COL25A1: variants seen among roughly 807,000 people sequenced by gnomAD.
COL25A1 encodes collagen alpha-1(XXV) chain.
COL25A1 carries 103 observed loss-of-function variants against 128.4 expected under a neutral mutation model. That is an observed-to-expected ratio of 0.80 (90% CI 0.68 to 0.94). The LOEUF (loss-of-function observed/expected upper bound fraction) is 0.94. COL25A1 is among the 40% of genes least tolerant of loss of function. The pLI is 0.00. For missense variants in COL25A1, 745 were observed against 840.0 expected (o/e 0.89, Z 1.40); for synonymous variants, 279 against 277.2 (o/e 1.01, Z -0.06).
At chr4:109,288,495 G>T (rs952729474) in intron 3 of COL25A1, among the ~76,000 whole-genome samples, 1 of 151,870 alleles carries the variant, frequency 6.6e-6, no homozygotes, top group East Asian at 1.9e-4. Flanking sequence ...TACTTTTCTG[G>T]TTTTTTTATA....
At chr4:109,297,705 A>G (rs918791593) in intron 3 of COL25A1, among the ~76,000 whole-genome samples, 1 of 151,950 alleles carries the variant, frequency 6.6e-6, no homozygotes, top group African/African-American at 2.4e-5. Context: ...TTTCCCACCT[A>G]TTTCATGTGT....
rs553285276 is a variant in COL25A1 at position 108,942,828 on chromosome 4, C to T, written c.493-1391G>A. Among the ~76,000 whole-genome samples the T allele has an allele frequency of 6.9e-5, 10 of 145,984 alleles. No individual in the cohort carries two copies. In the East Asian group the frequency reaches 2.0e-3, roughly 29 times the overall value. On this transcript the variant is annotated intron_variant, in intron 8 of 37. Transcript: ENST00000399132. ...CGCAGTGCAGTGGTTACAATCTCAG[C>T]TCACTGAAGCCTCTGCCTCCAGGGT...
rs559687153 is a variant in COL25A1, at chr4:108,826,312, C to T, written c.1764+823G>A. Among the ~76,000 whole-genome samples the T allele has an allele frequency of 1.7e-3, 261 of 152,164 alleles. 2 individuals carry two copies. Among genetic ancestry groups the T allele is most frequent in the Middle Eastern group, 3.4e-3 (1 of 294 alleles). ...GAGCACTTTGAGAGGCCGAGAAGGG[C>T]GGATCACTTGAGGTCAGGAGTTTGA... On this transcript the variant is annotated intron_variant, in intron 33 of 37. Coordinates refer to ENST00000399132, the MANE Select transcript of COL25A1 (RefSeq NM_198721.4).
At chr4:108,920,695 T>C in intron 11 of COL25A1, 91 bp from the exon 12 acceptor site, 1 of 869,164 alleles carries the variant, frequency 1.2e-6, no homozygotes, top group Non-Finnish European at 1.7e-6. Flanking sequence ...TAAGATTCTC[T>C]TTGCTGTACT....
At chr4:108,990,912 C>T (rs1025650422) in intron 6 of COL25A1, among the ~76,000 whole-genome samples, 7 of 152,166 alleles carry the variant, frequency 4.6e-5, no homozygotes, top group Admixed American at 3.3e-4. Flanking sequence ...GGAGCCCATA[C>T]CCTTCACCCT....
At chr4:109,048,201 AAGAG>A (rs370145147) in intron 4 of COL25A1, 26 bp from the exon 5 acceptor site, 9 of 1,567,006 alleles carry the variant, frequency 5.7e-6, no homozygotes, top group South Asian at 3.4e-5. Context: ...GTGGAGAGAG[AAGAG>A]AGAGAGAGGA....
intron 25 of COL25A1, among the ~76,000 whole-genome samples, chr4:108,852,635 T>C (rs540728858): frequency 6.6e-6 from 1 of 152,246 alleles, no homozygotes; most frequent in East Asian, 1.9e-4. Flanking sequence ...CCCAAAGGCG[T>C]TGATTTCCCA....
intron 19 of COL25A1, among the ~76,000 whole-genome samples, chr4:108,871,625 A>T (rs1220330399): frequency 6.6e-6 from 1 of 152,124 alleles, no homozygotes; most frequent in East Asian, 1.9e-4. Flanking sequence ...CTGATTGGCT[A>T]ATTTTAAAGG....
chr4:108,889,756 T>A (rs1266502121), intron 16 of COL25A1, 23 bp from the exon 17 acceptor site: 1 of 1,609,708 alleles, frequency 6.2e-7, no homozygotes. Context: ...CCAGGAGAGA[T>A]TATCTCACAA....
At chr4:108,969,719 C>T (rs893957736) in intron 8 of COL25A1, among the ~76,000 whole-genome samples, 14 of 152,106 alleles carry the variant, frequency 9.2e-5, no homozygotes, top group African/African-American at 3.4e-4. Flanking sequence ...ACCTGATGTT[C>T]CATGCTAAGT....
Position 108,958,525 on chromosome 4 carries a change from A to AT in COL25A1, c.492+15841dup, listed in dbSNP as rs542046107. Among the ~76,000 whole-genome samples the AT allele has an allele frequency of 1.9e-4, 29 of 152,024 alleles. No individual in the cohort carries two copies. In the South Asian group the frequency reaches 5.0e-3, roughly 26 times the overall value. ...AGATCATCTTAGGTAATAAACCAAC[A>AT]TTTTTTTAAAAAAAACCTCTAGGAA... On this transcript the variant is annotated intron_variant, in intron 8 of 37. Coordinates refer to ENST00000399132, the MANE Select transcript of COL25A1 (RefSeq NM_198721.4).
At chr4:109,174,655 T>A (rs572148394) in intron 3 of COL25A1, among the ~76,000 whole-genome samples, 2 of 152,354 alleles carry the variant, frequency 1.3e-5, no homozygotes, top group African/African-American at 4.8e-5. Flanking sequence ...ACCTGTCCCA[T>A]GTTGCGTTAT....
At chr4:109,268,913 C>T (rs945386788) in intron 3 of COL25A1, among the ~76,000 whole-genome samples, 2 of 152,076 alleles carry the variant, frequency 1.3e-5, no homozygotes, top group East Asian at 1.9e-4. Flanking sequence ...CCACCCATCC[C>T]TATAAAGATG....
In COL25A1 at chr4:109,231,754, G is replaced by A. The variant is rs183978942; in HGVS notation, c.367+68829C>T. On this transcript the variant is annotated intron_variant, in intron 3 of 37. Transcript: ENST00000399132. ...AGGCAACATGGAAGAATGGAAATGC[G>A]CAACCTTGCAATTCAGGCAGACCTG... 1.9e-3 allele frequency among the ~76,000 whole-genome samples: 291 copies of A among 152,270 alleles called. 2 individuals carry two copies. Among genetic ancestry groups the A allele is most frequent in the African/African-American group, 6.4e-3 (266 of 41,562 alleles).
At chr4:109,001,379 C>CTGAGATCCTGTCAGGTAGGCATA (rs1417729290) in intron 6 of COL25A1, among the ~76,000 whole-genome samples, 2 of 152,192 alleles carry the variant, frequency 1.3e-5, no homozygotes, top group Non-Finnish European at 1.5e-5. Context: ...AAACAGGCAT[C>CTGAGATCCTGTCAGGTAGGCATA]TGAGATCCTG....
intron 3 of COL25A1, among the ~76,000 whole-genome samples, chr4:109,207,192 A>G (rs756768983): frequency 6.6e-6 from 1 of 152,068 alleles, no homozygotes; most frequent in Non-Finnish European, 1.5e-5. Flanking sequence ...TGCACACCCC[A>G]TGCTGTTTTA....
intron 5 of COL25A1, among the ~76,000 whole-genome samples, chr4:109,031,335 C>T (rs1393849553): frequency 1.3e-5 from 2 of 152,004 alleles, no homozygotes; most frequent in Non-Finnish European, 2.9e-5. Context: ...CCAGGATGGT[C>T]TCGATCTTCT....
chr4:109,242,406 T>C (rs1362106218), intron 3 of COL25A1, among the ~76,000 whole-genome samples: 1 of 152,068 alleles, frequency 6.6e-6, no homozygotes, highest in Non-Finnish European at 1.5e-5. Flanking sequence ...AACACTCAAT[T>C]TGTCAAAGTT....
At chr4:109,123,319 G>C (rs1383925455) in intron 3 of COL25A1, among the ~76,000 whole-genome samples, 1 of 151,424 alleles carries the variant, frequency 6.6e-6, no homozygotes, top group African/African-American at 2.4e-5. Flanking sequence ...AAAAAAAACA[G>C]GTTGTTTTTC....
Sources: allele counts gnomAD v4.1 joint callset (sites outside exome capture counted in the v4.1 genomes callset), GRCh38; gene constraint gnomAD v4.1.1; transcripts MANE v1.5; gene names NCBI Gene and HGNC (gene_info 2026-07-23, HGNC 2026-07-21).